Variants in CSMD1 observed in about 807,000 individuals in gnomAD.
CSMD1 encodes the protein CUB and sushi domain-containing protein 1.
CSMD1 carries 213 observed loss-of-function variants against 417.5 expected under a neutral mutation model. The ratio of observed to expected loss-of-function variants is 0.51; its 90% CI spans 0.46 to 0.57. The LOEUF (loss-of-function observed/expected upper bound fraction) is 0.57. CSMD1 is among the 20% of genes least tolerant of loss of function. The probability of loss-of-function intolerance (pLI) is 0.00; values close to 1 mark genes in which losing one functional copy is unlikely to be tolerated. For missense variants in CSMD1, 6,923 were observed against 4,529.7 expected, an observed-to-expected ratio of 1.53 and a Z score of -15.17; for synonymous variants, 2,862 against 1,736.8, an observed-to-expected ratio of 1.65 and a Z score of -16.11.
intron 2 of CSMD1, among the ~76,000 whole-genome samples, chr8:4,486,708 A>C (rs1801434061): frequency 6.6e-6 from 1 of 151,382 alleles, no homozygotes; most frequent in Admixed American, 6.6e-5. Context: ...AAATACAAAG[A>C]AAAATGTACA....
chr8:3,809,914 T>A (rs2129076477), intron 5 of CSMD1, among the ~76,000 whole-genome samples: 1 of 152,240 alleles, frequency 6.6e-6, no homozygotes, highest in South Asian at 2.1e-4. Flanking sequence ...TTTAATCTAA[T>A]CCTCATTTAC....
chr8:3,718,875 T>A (rs1382498713), intron 6 of CSMD1, among the ~76,000 whole-genome samples: 2 of 152,132 alleles, frequency 1.3e-5, no homozygotes, highest in Non-Finnish European at 2.9e-5. Flanking sequence ...ATTGTTTTAC[T>A]TAGTCTTGTA....
chr8:3,505,996 T>C (rs577252580), intron 10 of CSMD1, among the ~76,000 whole-genome samples: 6 of 152,292 alleles, frequency 3.9e-5, no homozygotes, highest in African/African-American at 1.2e-4. Context: ...AATACACGTA[T>C]GTATATTTAT....
chr8:4,011,423 C>T (rs1816524885), intron 4 of CSMD1, among the ~76,000 whole-genome samples: 2 of 152,174 alleles, frequency 1.3e-5, no homozygotes, highest in African/African-American at 4.8e-5. Context: ...TTCTGAAATT[C>T]CTTTCACTGC....
intron 63 of CSMD1, among the ~76,000 whole-genome samples, chr8:2,956,058 A>T (rs1802988962): frequency 6.6e-6 from 1 of 152,074 alleles, no homozygotes; most frequent in Non-Finnish European, 1.5e-5. Context: ...ATTTATACAT[A>T]GGTAATTATG....
At chr8:3,419,487 C>G (rs1973464) in intron 12 of CSMD1, among the ~76,000 whole-genome samples, 1 of 152,134 alleles carries the variant, frequency 6.6e-6, no homozygotes, top group Non-Finnish European at 1.5e-5. Context: ...AGCATATACA[C>G]TGATTTTTAA....
chr8:4,083,570 G>C (rs923369621), intron 3 of CSMD1, among the ~76,000 whole-genome samples: 1 of 152,090 alleles, frequency 6.6e-6, no homozygotes, highest in Non-Finnish European at 1.5e-5. Context: ...TGACAAACCT[G>C]ACAAAAAGAA....
chr8:3,168,529 G>A (rs1267968966), intron 37 of CSMD1, among the ~76,000 whole-genome samples: 1 of 152,046 alleles, frequency 6.6e-6, no homozygotes, highest in Non-Finnish European at 1.5e-5. Flanking sequence ...CCTGACAATG[G>A]AGGAAGTAAA....
intron 2 of CSMD1, among the ~76,000 whole-genome samples, chr8:4,427,704 T>A (rs553764975): frequency 6.6e-6 from 1 of 152,344 alleles, no homozygotes; most frequent in Non-Finnish European, 1.5e-5. Context: ...ATTTTTCTGT[T>A]CTATTCAGCA....
At chr8:4,405,464 G>C (rs1241426707) in intron 3 of CSMD1, among the ~76,000 whole-genome samples, 2 of 152,042 alleles carry the variant, frequency 1.3e-5, no homozygotes, top group Non-Finnish European at 2.9e-5. Flanking sequence ...CCCATCTATA[G>C]TTGTGTTTGA....
chr8:3,476,462 T>A (rs1375599129), intron 11 of CSMD1, among the ~76,000 whole-genome samples: 1 of 152,184 alleles, frequency 6.6e-6, no homozygotes, highest in Non-Finnish European at 1.5e-5. Flanking sequence ...AGGAGGTGGA[T>A]TTCTGGGCCA....
chr8:4,674,259 G>A (rs1311648910), intron 1 of CSMD1, among the ~76,000 whole-genome samples: 1 of 152,144 alleles, frequency 6.6e-6, no homozygotes, highest in African/African-American at 2.4e-5. Context: ...GAAAAAAGCG[G>A]GAGGTTATGT....
chr8:4,093,637 T>C (rs1032801861), intron 3 of CSMD1, among the ~76,000 whole-genome samples: 4 of 151,892 alleles, frequency 2.6e-5, no homozygotes, highest in Non-Finnish European at 5.9e-5. Flanking sequence ...CCAACTATGA[T>C]TGAGAGGAGA....
At chr8:4,724,217 T>C (rs991826769) in intron 1 of CSMD1, among the ~76,000 whole-genome samples, 5 of 152,092 alleles carry the variant, frequency 3.3e-5, no homozygotes, top group Non-Finnish European at 5.9e-5. Context: ...CAAAACAAAA[T>C]ATTAACCTTG....
chr8:4,458,159 G>C (rs1303124360), intron 2 of CSMD1, among the ~76,000 whole-genome samples: 3 of 152,076 alleles, frequency 2.0e-5, no homozygotes, highest in Non-Finnish European at 4.4e-5. Context: ...GTCTTGAGTG[G>C]ATGCTGATTA....
At chr8:3,166,521 G>A (rs377122124) in intron 37 of CSMD1, among the ~76,000 whole-genome samples, 22 of 152,090 alleles carry the variant, frequency 1.4e-4, no homozygotes, top group African/African-American at 4.1e-4. Context: ...GCAACAGAGC[G>A]AGACTCCATC....
intron 1 of CSMD1, among the ~76,000 whole-genome samples, chr8:4,741,088 A>C (rs984671954): frequency 7.9e-5 from 12 of 152,214 alleles, no homozygotes; most frequent in Non-Finnish European, 5.9e-5. Flanking sequence ...GAAAATATTA[A>C]ATTGGCTCAC....
At chr8:4,386,187 T>C (rs1001732862) in intron 3 of CSMD1, among the ~76,000 whole-genome samples, 1 of 152,020 alleles carries the variant, frequency 6.6e-6, no homozygotes, top group Non-Finnish European at 1.5e-5. Flanking sequence ...CTATCAGACA[T>C]TCTCCTACCT....
chr8:3,617,505 C>A (rs752501876), intron 7 of CSMD1, among the ~76,000 whole-genome samples: 1 of 152,082 alleles, frequency 6.6e-6, no homozygotes, highest in Non-Finnish European at 1.5e-5. Context: ...TAGCAGAGGG[C>A]TTGGGACCCA....
Sources: allele counts gnomAD v4.1 joint callset (sites outside exome capture counted in the v4.1 genomes callset), GRCh38; gene constraint gnomAD v4.1.1; transcripts MANE v1.5; gene names NCBI Gene and HGNC (gene_info 2026-07-23, HGNC 2026-07-21).